The following WASHC4 variants were observed in gnomAD, a reference collection of about 807,000 sequenced individuals.
The protein encoded by WASHC4 is WASH complex subunit 7.
Under a neutral mutation model 166.6 loss-of-function variants are expected in WASHC4, and 86 were observed. The ratio of observed to expected loss-of-function variants is 0.52; its 90% CI spans 0.43 to 0.62. The LOEUF (loss-of-function observed/expected upper bound fraction) is 0.62. Ranked by LOEUF, WASHC4 falls within the 20% of genes least tolerant of loss-of-function variation. The pLI, the probability that WASHC4 is intolerant of heterozygous loss-of-function variation, is 0.00. For synonymous variants in WASHC4, 446 were observed against 451.6 expected, an observed-to-expected ratio of 0.99 and a Z score of 0.16; for missense variants, 1,262 against 1,382.4, an observed-to-expected ratio of 0.91 and a Z score of 1.38.
intron 1 of WASHC4, among the ~76,000 whole-genome samples, chr12:105,109,515 C>G (rs1172681967): frequency 2.0e-5 from 3 of 152,146 alleles, no homozygotes; most frequent in Admixed American, 1.3e-4. Flanking sequence ...GTTATTTTAA[C>G]TTTCACCAAT....
At chr12:105,141,069 GGAACA>G (rs1169986506) in intron 17 of WASHC4, 24 bp downstream of exon 17, 2 of 1,613,688 alleles carry the variant, frequency 1.2e-6, no homozygotes, top group Admixed American at 3.3e-5. Flanking sequence ...TATTACTTAT[GGAACA>G]GAAATGAGAT....
intron 24 of WASHC4, 159 bp from the exon 25 acceptor site, chr12:105,149,456 T>G: frequency 2.8e-6 from 3 of 1,058,566 alleles, no homozygotes; most frequent in Non-Finnish European, 3.6e-6. Context: ...ATAAAAAATG[T>G]TATTTAAATA....
chr12:105,120,458 A>G, intron 7 of WASHC4, 97 bp from the exon 8 acceptor site: 1 of 746,358 alleles, frequency 1.3e-6, no homozygotes, highest in Non-Finnish European at 2.4e-6. Flanking sequence ...GATAAATATT[A>G]AAATTCCAAG....
intron 10 of WASHC4, among the ~76,000 whole-genome samples, 150 bp from the exon 11 acceptor site, chr12:105,125,849 TATTAG>T (rs570362810): frequency 1.4e-4 from 22 of 152,156 alleles, no homozygotes; most frequent in African/African-American, 4.3e-4. Context: ...AAGATCTAAA[TATTAG>T]ATTAGATTAA....
rs1278509830 is a variant in WASHC4, at chr12:105,115,716, T to G, written c.423T>G (p.Ile141Met). 4 of 1,605,516 alleles carry G rather than the reference T, an allele frequency of 2.5e-6. No individual in the cohort carries two copies. Among genetic ancestry groups the G allele is most frequent in the Non-Finnish European group, 3.4e-6 (4 of 1,172,358 alleles). ...GCCAAATTCAAATGGGGAGATTTAT[T>G]TCATTCTTACAGGTAACTGATTTTT... ...GDCQIQMGRF[I>M]SFLQELSCFV... The change falls in exon 6 of 33, where the codon ATT (isoleucine) becomes ATG (methionine). Residue 141 changes from isoleucine (I) to methionine (M), a missense_variant. Coordinates refer to ENST00000332180, the MANE Select transcript of WASHC4 (RefSeq NM_015275.3).
At chr12:105,129,654 C>G (rs1455612437) in intron 13 of WASHC4, among the ~76,000 whole-genome samples, 1 of 152,094 alleles carries the variant, frequency 6.6e-6, no homozygotes, top group Non-Finnish European at 1.5e-5. Flanking sequence ...TTTGTCTTCT[C>G]TTTGTTAGTG....
intron 1 of WASHC4, among the ~76,000 whole-genome samples, chr12:105,108,791 T>A (rs1430622246): frequency 6.6e-6 from 1 of 152,160 alleles, no homozygotes; most frequent in African/African-American, 2.4e-5. Context: ...CTTTTAAAAA[T>A]TCCGGATGAA....
chr12:105,114,142 G>A (rs1054325830), intron 2 of WASHC4, 74 bp from the exon 3 acceptor site: 28 of 1,325,868 alleles, frequency 2.1e-5, no homozygotes, highest in Non-Finnish European at 2.7e-5. Context: ...AATAAAGCTA[G>A]CCTCAATTTG....
At position 105,147,878 on chromosome 12, in the gene WASHC4, T is replaced by C. The variant is rs184454629; in HGVS notation, c.2514+732T>C. 5.3e-4 allele frequency: 497 copies of C among 939,016 alleles called. 1 individual carries two copies. In the African/African-American group the frequency reaches 8.4e-3, roughly 16 times the overall value. 58.2% of individuals were successfully genotyped at this position (939,016 alleles called of 1,614,324 possible). On this transcript the variant is annotated intron_variant, in intron 24 of 32. Transcript: ENST00000332180. ...TGAGATTGCGCCATTGCACTCCAGC[T>C]TGGGCAGCAAGAGCGAAACTCCATC... is the stretch of plus-strand genomic sequence containing the variant.
chr12:105,124,963 C>T (rs1881139609), intron 10 of WASHC4, among the ~76,000 whole-genome samples: 1 of 152,214 alleles, frequency 6.6e-6, no homozygotes, highest in Admixed American at 6.5e-5. Flanking sequence ...ATTTCAAGTC[C>T]TTAATAGCCA....
Position 105,114,394 on chromosome 12 carries a change from A to T in WASHC4, c.288A>T (p.Ala96=). Residue 96 remains alanine, a synonymous_variant, in exon 4 of 33, where the codon GCA becomes GCT. Coordinates refer to ENST00000332180, the MANE Select transcript of WASHC4 (RefSeq NM_015275.3). ...VLNKVITVYA[A]LCCEIKKLKY... is the part of the protein sequence containing the mutation. Reference sequence around the variant, plus strand: ...ACAAAGTCATCACTGTTTATGCTGCACTTTGTTGTGAAATCAAGAAATTAA... The same window carrying T: ...ACAAAGTCATCACTGTTTATGCTGCTCTTTGTTGTGAAATCAAGAAATTAA... The T allele has an allele frequency of 6.3e-7, 1 of 1,597,522 alleles. No homozygotes were observed. The highest frequency in any genetic ancestry group is 8.5e-7 in the Non-Finnish European group (1 of 1,170,106).
chr12:105,148,812 T>C (rs948642507), intron 24 of WASHC4: 2 of 985,274 alleles, frequency 2.0e-6, no homozygotes, highest in African/African-American at 1.7e-5. Flanking sequence ...TTGGAATTAA[T>C]CTTATGCTAT....
At chr12:105,111,941 A>G (rs1038248295) in intron 2 of WASHC4, among the ~76,000 whole-genome samples, 11 of 152,166 alleles carry the variant, frequency 7.2e-5, no homozygotes, top group Non-Finnish European at 1.3e-4. Context: ...TGTATAATTC[A>G]GTTGTTTTTA....
At chr12:105,156,526 A>G (rs574054381) in intron 26 of WASHC4, 200 bp from the exon 27 acceptor site, 3 of 346,940 alleles carry the variant, frequency 8.6e-6, no homozygotes, top group African/African-American at 6.3e-5. Flanking sequence ...ATAGTTATAT[A>G]TAAGTATGTA....
In WASHC4 at chr12:105,133,803, A is replaced by G; in HGVS notation, c.1233A>G (p.Ser411=). 2 of 1,611,530 alleles carry G rather than the reference A, an allele frequency of 1.2e-6. No homozygotes were observed. Among genetic ancestry groups the G allele is most frequent in the Non-Finnish European group, 1.7e-6 (2 of 1,177,994 alleles). The change falls in exon 14 of 33, where the codon TCA becomes TCG. Residue 411 remains serine, a synonymous_variant. Coordinates refer to ENST00000332180, the MANE Select transcript of WASHC4 (RefSeq NM_015275.3). ...DVQSYYVFVS[S]WMMKMESILS... The stretch of plus-strand genomic sequence containing the variant: ...AGTCTTACTACGTCTTTGTGAGCTC[A>G]TGGATGATGAAAATGGAATCTATTT...
At chr12:105,132,803 TGTGTGTGTG>T (rs1881978694) in intron 13 of WASHC4, among the ~76,000 whole-genome samples, 1 of 151,050 alleles carries the variant, frequency 6.6e-6, no homozygotes, top group Non-Finnish European at 1.5e-5. Context: ...TGTGTGTGTG[TGTGTGTGTG>T]TGTGTGTGTG....
At position 105,150,805 on chromosome 12, in the gene WASHC4, T is replaced by C. The variant is rs564120640; in HGVS notation, c.2649+1056T>C. 5.3e-5 allele frequency among the ~76,000 whole-genome samples: 8 copies of C among 152,262 alleles called. No homozygotes were observed. The East Asian group carries it at 9.7e-4, about 18-fold the overall frequency. On this transcript the variant is annotated intron_variant, in intron 25 of 32. Transcript: ENST00000332180. ...GGCTGGGGAGGCCTCAGGAAACTTATAATCATGGCGGAAGGTACCTCTTCA... is the reference window on the plus strand; with the variant it reads ...GGCTGGGGAGGCCTCAGGAAACTTACAATCATGGCGGAAGGTACCTCTTCA...
At chr12:105,119,264 T>G (rs1880489704) in intron 7 of WASHC4, among the ~76,000 whole-genome samples, 1 of 152,154 alleles carries the variant, frequency 6.6e-6, no homozygotes, top group Non-Finnish European at 1.5e-5. Flanking sequence ...AACGATCACA[T>G]TTTCATAGAG....
At chr12:105,130,126 G>A (rs1158356047) in intron 13 of WASHC4, among the ~76,000 whole-genome samples, 1 of 152,182 alleles carries the variant, frequency 6.6e-6, no homozygotes, top group East Asian at 1.9e-4. Flanking sequence ...GCAGATGCAG[G>A]CAGTTCAACT....
Sources: allele counts gnomAD v4.1 joint callset (sites outside exome capture counted in the v4.1 genomes callset), GRCh38; gene constraint gnomAD v4.1.1; transcripts MANE v1.5; gene names NCBI Gene and HGNC (gene_info 2026-07-23, HGNC 2026-07-21).